Variants in PROCA1 observed in about 807,000 individuals in gnomAD.
PROCA1 encodes protein interacting with cyclin A1.
A neutral mutation model predicts 23.2 loss-of-function variants in PROCA1; 22 were observed. The observed-to-expected ratio is 0.95, with a 90% CI of 0.68 to 1.35. The LOEUF is 1.35. Among genes scored for constraint, PROCA1 ranks in the 40% most tolerant of loss-of-function variants. The pLI is 0.00. For synonymous variants in PROCA1, 182 were observed against 179.2 expected, an observed-to-expected ratio of 1.02 and a Z score of -0.12; for missense variants, 469 against 459.8, an observed-to-expected ratio of 1.02 and a Z score of -0.18.
Position 28,711,723 on chromosome 17 carries a change from G to C in PROCA1, c.-63C>G. On this transcript the variant is annotated 5_prime_UTR_variant, in exon 1 of 5. Transcript: ENST00000682792. ...GCGTGAAGTCCAACCCTGAGCCTCA[G>C]CCCGGCCGAGCCCTCGGCCCAGCCG... is the stretch of plus-strand genomic sequence containing the variant. 2 of 1,437,874 alleles carry C rather than the reference G, an allele frequency of 1.4e-6. No individual in the cohort carries two copies. The highest frequency in any genetic ancestry group is 1.9e-6 in the Non-Finnish European group (2 of 1,054,974). 89.1% of individuals were successfully genotyped at this position (1,437,874 alleles called of 1,614,324 possible). A position where few individuals can be genotyped will look rare whatever the true frequency, so the allele number is the denominator to read the frequency against.
Position 28,703,275 on chromosome 17 carries a change from A to G in PROCA1, c.*283T>C, listed in dbSNP as rs968138242. 8.8e-6 allele frequency: 4 copies of G among 454,332 alleles called. No individual in the cohort carries two copies. Among genetic ancestry groups the G allele is most frequent in the African/African-American group, 2.0e-5 (1 of 50,910 alleles). The allele number at this position is 454,332 out of a possible 1,614,324, so 28.1% of individuals were successfully genotyped here. On this transcript the variant is annotated 3_prime_UTR_variant, in exon 5 of 5. Transcript: ENST00000682792. ...CCCAGAAGTGGATTTCACACAGACC[A>G]GTCTCTCGCAGCAGAGAGGGGAAGC...
At chr17:28,707,910 C>G (rs1295902025) in intron 1 of PROCA1, 1 of 152,382 alleles carries the variant, frequency 6.6e-6, no homozygotes, top group Admixed American at 6.5e-5. Flanking sequence ...ATCCACCCCC[C>G]AATCTGAATA....
At chr17:28,706,644 T>G (rs1006729454) in intron 2 of PROCA1, 36 bp downstream of exon 2, 21 of 1,274,658 alleles carry the variant, frequency 1.6e-5, no homozygotes, top group Non-Finnish European at 2.2e-5. Flanking sequence ...TGAGGGGTGA[T>G]GAGGATCCCC....
At chr17:28,704,580 G>A (rs1347243478) in intron 3 of PROCA1, 128 bp downstream of exon 3, 46 of 1,557,488 alleles carry the variant, frequency 3.0e-5, no homozygotes, top group Non-Finnish European at 4.0e-5. Context: ...AGCAAGGTGT[G>A]CAGAGCTGGG....
chr17:28,705,256 C>T (rs1464289786), intron 2 of PROCA1: 2 of 192,204 alleles, frequency 1.0e-5, no homozygotes, highest in African/African-American at 4.7e-5. Flanking sequence ...ATCCTCAGTT[C>T]CTACACCTGC....
At chr17:28,711,236 G>A in intron 1 of PROCA1, 1 of 950,392 alleles carries the variant, frequency 1.1e-6, no homozygotes, top group Non-Finnish European at 1.4e-6. Flanking sequence ...GCCAAGGCCG[G>A]CGCTTCAAGG....
Position 28,704,432 on chromosome 17 carries a change from C to T in PROCA1, c.315G>A (p.Leu105=). Residue 105 remains leucine, a synonymous_variant, in exon 4 of 5, where the codon CTG becomes CTA. Coordinates refer to ENST00000682792, the MANE Select transcript of PROCA1 (RefSeq NM_001366301.1). ...TGCTGCTATCCTCTGAAGAGTCCTT[C>T]AGCCTGCCACACATGGGACTCTCAG... ...SVNHCNCNSR[L]KDSSEDSSSS... The T allele has an allele frequency of 6.2e-7, 1 of 1,611,024 alleles. No individual in the cohort carries two copies. Among genetic ancestry groups the T allele is most frequent in the African/African-American group, 1.3e-5 (1 of 74,974 alleles).
intron 1 of PROCA1, among the ~76,000 whole-genome samples, chr17:28,708,325 A>G (rs929591267): frequency 6.6e-6 from 1 of 152,078 alleles, no homozygotes; most frequent in African/African-American, 2.4e-5. Flanking sequence ...CTATTGACCA[A>G]TGAATCTCCT....
In PROCA1 at chr17:28,703,504, G is replaced by C; in HGVS notation, c.*54C>G. 6.5e-7 allele frequency: 1 copy of C among 1,547,886 alleles called. No individual in the cohort carries two copies. The highest frequency in any genetic ancestry group is 8.8e-7 in the Non-Finnish European group (1 of 1,141,136). On this transcript the variant is annotated 3_prime_UTR_variant, in exon 5 of 5. Transcript: ENST00000682792. Reference sequence around the variant, plus strand: ...AGGTTGGAGGGAGAGAACAGCAGCAGAGGGCCAGCCACAGGCTCGATGGCA... The same window carrying C: ...AGGTTGGAGGGAGAGAACAGCAGCACAGGGCCAGCCACAGGCTCGATGGCA...
At chr17:28,708,257 G>A (rs894051223) in intron 1 of PROCA1, among the ~76,000 whole-genome samples, 8 of 152,072 alleles carry the variant, frequency 5.3e-5, no homozygotes, top group South Asian at 2.1e-4. Context: ...ATCCGCCCTC[G>A]GCCTCCCAAA....
intron 3 of PROCA1, 28 bp downstream of exon 3, chr17:28,704,680 T>C (rs772927881): frequency 1.9e-6 from 3 of 1,612,680 alleles, no homozygotes; most frequent in African/African-American, 1.3e-5. Context: ...GGCTCTGCCA[T>C]GGGTCCCCCA....
intron 2 of PROCA1, 123 bp from the exon 3 acceptor site, chr17:28,704,966 C>T: frequency 2.2e-6 from 2 of 911,372 alleles, no homozygotes; most frequent in Non-Finnish European, 1.7e-6. Flanking sequence ...AGAAGTGTTT[C>T]TGCTTCAGTA....
At chr17:28,706,800 C>T in intron 1 of PROCA1, 37 bp from the exon 2 acceptor site, 1 of 1,301,404 alleles carries the variant, frequency 7.7e-7, no homozygotes, top group Non-Finnish European at 1.0e-6. Flanking sequence ...GGCAGCAGCC[C>T]CCTCCCTGTG....
Position 28,703,361 on chromosome 17 carries a change from C to T in PROCA1, c.*197G>A. 1 of 612,790 alleles carries T rather than the reference C, an allele frequency of 1.6e-6. No individual in the cohort carries two copies. Among genetic ancestry groups the T allele is most frequent in the Non-Finnish European group, 2.9e-6 (1 of 349,782 alleles). 38.0% of individuals were successfully genotyped at this position (612,790 alleles called of 1,614,324 possible). The stretch of plus-strand genomic sequence containing the variant: ...TCCTAGCAGGTAGGAAGAAATAGGG[C>T]TGTGCCCCTTCCTTTCCCTCCCACC... On this transcript the variant is annotated 3_prime_UTR_variant, in exon 5 of 5. Coordinates refer to ENST00000682792, the MANE Select transcript of PROCA1 (RefSeq NM_001366301.1).
At chr17:28,710,901 C>A in intron 1 of PROCA1, 1 of 1,302,844 alleles carries the variant, frequency 7.7e-7, no homozygotes. Context: ...GAATCCTCCC[C>A]GTCCTGCGGG....
Position 28,711,689 on chromosome 17 carries a change from A to C in PROCA1, c.-29T>G, listed in dbSNP as rs1350450838. On this transcript the variant is annotated 5_prime_UTR_variant, in exon 1 of 5. Transcript: ENST00000682792. ...TCTCCGCCCAGGTCTTCGTCTCTAC[A>C]GGACTCTTGCGTGAAGTCCAACCCT... 6.3e-7 allele frequency: 1 copy of C among 1,599,762 alleles called. No individual in the cohort carries two copies.
chr17:28,704,560 C>G (rs756098078), intron 3 of PROCA1, 125 bp from the exon 4 acceptor site: 3 of 1,547,882 alleles, frequency 1.9e-6, no homozygotes, highest in Non-Finnish European at 2.6e-6. Flanking sequence ...CCCCATTTCT[C>G]TTAGAGCAGA....
chr17:28,704,217 G>A lies in PROCA1; in HGVS notation c.441-5C>T. 1 of 1,552,978 alleles carries A rather than the reference G, an allele frequency of 6.4e-7. No homozygotes were observed. Among genetic ancestry groups the A allele is most frequent in the Non-Finnish European group, 8.7e-7 (1 of 1,150,962 alleles). On this transcript the variant is annotated splice_region_variant and splice_polypyrimidine_tract_variant and intron_variant, in intron 4 of 4. Coordinates refer to ENST00000682792, the MANE Select transcript of PROCA1 (RefSeq NM_001366301.1). Reference sequence around the variant, plus strand: ...ACAGGTCTGTAGCTTTTGCACCTGGGAGAAGGGACAACGGGGGAAGTTTGA... The same window carrying A: ...ACAGGTCTGTAGCTTTTGCACCTGGAAGAAGGGACAACGGGGGAAGTTTGA...
Position 28,703,428 on chromosome 17 carries a change from T to G in PROCA1, c.*130A>C. On this transcript the variant is annotated 3_prime_UTR_variant, in exon 5 of 5. Coordinates refer to ENST00000682792, the MANE Select transcript of PROCA1 (RefSeq NM_001366301.1). ...TCCTTTGTGAAAGCTGGATTGCCTT[T>G]GAGAAACCCCTGCAGCCCTGAGCCC... 3 of 980,920 alleles carry G rather than the reference T, an allele frequency of 3.1e-6. No individual in the cohort carries two copies. The highest frequency in any genetic ancestry group is 4.5e-6 in the Non-Finnish European group (3 of 662,016). The allele number at this position is 980,920 out of a possible 1,614,324, so 60.8% of individuals were successfully genotyped here.
Sources: allele counts gnomAD v4.1 joint callset (sites outside exome capture counted in the v4.1 genomes callset), GRCh38; gene constraint gnomAD v4.1.1; transcripts MANE v1.5; gene names NCBI Gene and HGNC (gene_info 2026-07-23, HGNC 2026-07-21).